The following SRGAP1 variants were observed in gnomAD, a reference collection of about 807,000 sequenced individuals.
SRGAP1 encodes SLIT-ROBO Rho GTPase activating protein 1, also known as SLIT-ROBO Rho GTPase-activating protein 1.
Under a neutral mutation model 121.9 loss-of-function variants are expected in SRGAP1, and 43 were observed. The observed-to-expected ratio is 0.35, with a 90% CI of 0.28 to 0.46. SRGAP1 has a LOEUF of 0.46. Ranked by LOEUF, SRGAP1 falls within the 20% of genes least tolerant of loss-of-function variation. The pLI, the probability that SRGAP1 is intolerant of heterozygous loss-of-function variation, is 1.00. For synonymous variants in SRGAP1, 447 were observed against 485.4 expected, an observed-to-expected ratio of 0.92 and a Z score of 1.04; for missense variants, 1,102 against 1,350.9, an observed-to-expected ratio of 0.82 and a Z score of 2.89.
intron 1 of SRGAP1, among the ~76,000 whole-genome samples, chr12:63,950,517 A>G (rs774442624): frequency 6.6e-5 from 10 of 150,872 alleles, no homozygotes; most frequent in Non-Finnish European, 1.2e-4. Context: ...CGTGCTGCAC[A>G]TGGTGTCTAG....
intron 1 of SRGAP1, among the ~76,000 whole-genome samples, chr12:63,876,680 G>A (rs1900039914): frequency 1.3e-5 from 2 of 152,182 alleles, no homozygotes; most frequent in East Asian, 1.9e-4. Context: ...AATGATGTAC[G>A]CTCATGTTGA....
chr12:64,037,262 G>A lies in SRGAP1; in HGVS notation c.490-5528G>A, dbSNP rs531676623. 1.0e-3 allele frequency among the ~76,000 whole-genome samples: 156 copies of A among 152,330 alleles called. 2 individuals carry two copies. The highest frequency in any genetic ancestry group is 1.9e-3 in the African/African-American group (78 of 41,570). ...AGAGTGGTACACAAATTGCTGCTTGGATGGGTGTTGGGACCAGTCTGATAG... is the reference window on the plus strand; with the variant it reads ...AGAGTGGTACACAAATTGCTGCTTGAATGGGTGTTGGGACCAGTCTGATAG... On this transcript the variant is annotated intron_variant, in intron 4 of 21. Coordinates refer to ENST00000355086, the MANE Select transcript of SRGAP1 (RefSeq NM_020762.4).
At chr12:64,122,674 C>T (rs1040467798) in intron 18 of SRGAP1, among the ~76,000 whole-genome samples, 7 of 152,074 alleles carry the variant, frequency 4.6e-5, no homozygotes, top group East Asian at 3.9e-4. Flanking sequence ...CCGAGGTGGA[C>T]GGATCACAAG....
chr12:63,929,579 T>G lies in SRGAP1; in HGVS notation c.68-54368T>G, dbSNP rs1293965480. Among the ~76,000 whole-genome samples, 4 of 151,866 alleles carry G rather than the reference T, an allele frequency of 2.6e-5. No homozygotes were observed. The East Asian group carries it at 5.8e-4, about 22-fold the overall frequency. ...GTGTTTTTAAAGCCCCCACGAGTTTTTTTTTTTTTTTTAACTATGTTTTCA... is the reference window on the plus strand; with the variant it reads ...GTGTTTTTAAAGCCCCCACGAGTTTGTTTTTTTTTTTTAACTATGTTTTCA... On this transcript the variant is annotated intron_variant, in intron 1 of 21. Transcript: ENST00000355086.
rs1302758042 is a variant in SRGAP1, at chr12:64,147,898, A to G, written c.*5226A>G. ...TGTCTTTGTTCCTTTCCTTTCATTC[A>G]TCACTACTTTCTCCTTGACAGCTAG... On this transcript the variant is annotated 3_prime_UTR_variant, in exon 22 of 22. Transcript: ENST00000355086. The G allele has an allele frequency of 2.6e-6, 1 of 384,746 alleles. No homozygotes were observed. Among genetic ancestry groups the G allele is most frequent in the Non-Finnish European group, 4.6e-6 (1 of 218,100 alleles). The allele number at this position is 384,746 out of a possible 1,614,324, so 23.8% of individuals were successfully genotyped here.
intron 1 of SRGAP1, among the ~76,000 whole-genome samples, chr12:63,870,451 T>G (rs1271425445): frequency 1.3e-5 from 2 of 151,940 alleles, no homozygotes; most frequent in Non-Finnish European, 2.9e-5. Context: ...CTAGGGATAA[T>G]AAGAATCACT....
intron 8 of SRGAP1, among the ~76,000 whole-genome samples, chr12:64,070,483 C>A (rs2035618826): frequency 6.6e-6 from 1 of 152,258 alleles, no homozygotes; most frequent in African/African-American, 2.4e-5. Context: ...GTAGAACCTT[C>A]TCACATGTAA....
intron 10 of SRGAP1, chr12:64,081,691 G>A (rs183161641): frequency 2.6e-5 from 4 of 151,548 alleles, no homozygotes; most frequent in Non-Finnish European, 4.4e-5. Context: ...TATGATAATG[G>A]TATTGTGATT....
intron 15 of SRGAP1, among the ~76,000 whole-genome samples, chr12:64,108,128 ATG>A (rs2036375432): frequency 1.3e-5 from 2 of 152,210 alleles, no homozygotes; most frequent in Admixed American, 1.3e-4. Context: ...AAGTGTGAAA[ATG>A]TGTTTTTAAA....
At chr12:63,874,937 A>G (rs1899981678) in intron 1 of SRGAP1, among the ~76,000 whole-genome samples, 1 of 152,030 alleles carries the variant, frequency 6.6e-6, no homozygotes, top group Non-Finnish European at 1.5e-5. Context: ...TTTTTTTGAG[A>G]TAGGATCTTG....
chr12:64,009,732 G>A (rs2034197118), intron 3 of SRGAP1, among the ~76,000 whole-genome samples: 1 of 145,744 alleles, frequency 6.9e-6, no homozygotes, highest in African/African-American at 2.6e-5. Context: ...TCCTTTTCTA[G>A]TGGCATGGAG....
intron 6 of SRGAP1, among the ~76,000 whole-genome samples, chr12:64,054,789 A>G (rs1248826963): frequency 6.6e-6 from 1 of 151,806 alleles, no homozygotes; most frequent in Non-Finnish European, 1.5e-5. Context: ...CACATTGTGC[A>G]GGTTAGTTAC....
intron 21 of SRGAP1, among the ~76,000 whole-genome samples, chr12:64,132,833 T>A (rs930526146): frequency 1.3e-5 from 2 of 152,278 alleles, no homozygotes; most frequent in African/African-American, 2.4e-5. Flanking sequence ...AGAGAGTTGC[T>A]ATACCCCTGA....
chr12:63,890,526 A>G (rs1263597959), intron 1 of SRGAP1, among the ~76,000 whole-genome samples: 1 of 152,192 alleles, frequency 6.6e-6, no homozygotes, highest in Non-Finnish European at 1.5e-5. Flanking sequence ...CTGAAATTGA[A>G]GCTATTTACA....
chr12:63,955,596 C>T (rs117868501), intron 1 of SRGAP1, among the ~76,000 whole-genome samples: 1,683 of 152,012 alleles, frequency 0.011, 7 homozygotes, highest in Non-Finnish European at 0.016. Flanking sequence ...TAAGATAAGG[C>T]CAACTGATAG....
rs546747661 is a variant in SRGAP1 at position 63,934,651 on chromosome 12, A to C, written c.68-49296A>C. ...TTTCCAGGATCTGAGCACAACCACC[A>C]CCCCCCCCAACAATCTGCTCCATAA... On this transcript the variant is annotated intron_variant, in intron 1 of 21. Coordinates refer to ENST00000355086, the MANE Select transcript of SRGAP1 (RefSeq NM_020762.4). 4.5e-3 allele frequency among the ~76,000 whole-genome samples: 674 copies of C among 149,218 alleles called. 2 individuals carry two copies. Among genetic ancestry groups the C allele is most frequent in the African/African-American group, 0.015 (627 of 40,518 alleles).
intron 1 of SRGAP1, among the ~76,000 whole-genome samples, chr12:63,971,771 T>A (rs1293360679): frequency 6.6e-6 from 1 of 152,046 alleles, no homozygotes; most frequent in African/African-American, 2.4e-5. Flanking sequence ...TGGGTGTGTG[T>A]GTGTGTGTGT....
intron 4 of SRGAP1, among the ~76,000 whole-genome samples, chr12:64,019,067 C>A (rs1218671417): frequency 6.6e-6 from 1 of 152,094 alleles, no homozygotes; most frequent in African/African-American, 2.4e-5. Context: ...GGTTGTCATG[C>A]CATCTTGGGT....
chr12:63,925,975 G>C, intron 1 of SRGAP1, among the ~76,000 whole-genome samples: 1 of 152,094 alleles, frequency 6.6e-6, no homozygotes, highest in East Asian at 1.9e-4. Context: ...AAATAAGATG[G>C]TCCCTTATTG....
Sources: allele counts gnomAD v4.1 joint callset (sites outside exome capture counted in the v4.1 genomes callset), GRCh38; gene constraint gnomAD v4.1.1; transcripts MANE v1.5; gene names NCBI Gene and HGNC (gene_info 2026-07-23, HGNC 2026-07-21).